Variants in KIF16B observed in about 807,000 individuals in gnomAD.
KIF16B encodes kinesin-like protein KIF16B.
Under a neutral mutation model 156.3 loss-of-function variants are expected in KIF16B, and 98 were observed. The observed-to-expected ratio is 0.63, with a 90% confidence interval of 0.53 to 0.74. The LOEUF (loss-of-function observed/expected upper bound fraction) is 0.74, where lower values mean the gene tolerates loss of function less well. Among genes scored for constraint, KIF16B ranks in the 30% least tolerant of loss-of-function variants. The pLI is 0.00. For synonymous variants in KIF16B, 564 were observed against 583.7 expected, an observed-to-expected ratio of 0.97 and a Z score of 0.49; for missense variants, 1,421 against 1,606.5, an observed-to-expected ratio of 0.88 and a Z score of 1.97.
chr20:16,540,782 A>C (rs1156543521), intron 1 of KIF16B, among the ~76,000 whole-genome samples: 1 of 152,190 alleles, frequency 6.6e-6, no homozygotes, highest in Non-Finnish European at 1.5e-5. Flanking sequence ...ATTAGGTTCC[A>C]AATAAAATAT....
intron 1 of KIF16B, among the ~76,000 whole-genome samples, chr20:16,564,679 G>T (rs906742577): frequency 1.3e-5 from 2 of 150,108 alleles, no homozygotes; most frequent in African/African-American, 4.9e-5. Context: ...AAAAAAAACT[G>T]AAAGAAAAAA....
chr20:16,284,416 C>T (rs1478649356), intron 25 of KIF16B, among the ~76,000 whole-genome samples: 1 of 152,200 alleles, frequency 6.6e-6, no homozygotes, highest in East Asian at 1.9e-4. Flanking sequence ...TTTTCCTGGA[C>T]GTTGCCAGAG....
chr20:16,386,636 G>A (rs555117793), intron 17 of KIF16B, among the ~76,000 whole-genome samples: 10 of 151,780 alleles, frequency 6.6e-5, no homozygotes, highest in African/African-American at 1.9e-4. Context: ...CAACAAGCAG[G>A]AGACAGAGAG....
intron 25 of KIF16B, among the ~76,000 whole-genome samples, chr20:16,280,134 G>T (rs1254780887): frequency 1.3e-5 from 2 of 152,210 alleles, no homozygotes; most frequent in African/African-American, 4.8e-5. Flanking sequence ...GGAAAAATGT[G>T]GGCAAAATCT....
At chr20:16,354,483 C>T (rs1234922661) in intron 23 of KIF16B, among the ~76,000 whole-genome samples, 3 of 123,578 alleles carry the variant, frequency 2.4e-5, no homozygotes, top group African/African-American at 1.4e-4. Context: ...ATTCTACACA[C>T]ACACACACAC....
At chr20:16,458,055 A>G (rs1040827948) in intron 12 of KIF16B, among the ~76,000 whole-genome samples, 1 of 152,186 alleles carries the variant, frequency 6.6e-6, no homozygotes, top group Non-Finnish European at 1.5e-5. Flanking sequence ...GAAATCCATT[A>G]AAGATTCTGC....
intron 22 of KIF16B, among the ~76,000 whole-genome samples, chr20:16,369,425 C>T (rs937467105): frequency 2.0e-5 from 3 of 151,588 alleles, no homozygotes; most frequent in South Asian, 2.1e-4. Context: ...ATTAAAGAAT[C>T]GATTATCTGA....
At chr20:16,336,166 A>G in intron 23 of KIF16B, 151 bp from the exon 24 acceptor site, 1 of 585,174 alleles carries the variant, frequency 1.7e-6, no homozygotes, top group Non-Finnish European at 3.0e-6. Context: ...CATAAATACA[A>G]CTTAGAAATA....
In KIF16B at chr20:16,506,151, T is replaced by G. The variant is rs747685520; in HGVS notation, c.739A>C (p.Lys247Gln). The change falls in exon 8 of 26, where the codon AAG becomes CAG. Residue 247 changes from lysine to glutamine, a missense_variant. Transcript: ENST00000354981. ...DSEMPCETVS[K>Q]IHLVDLAGSE... ...CCGGCAAGATCAACCAAGTGGATCT[T>G]ACTGACGGTTTCACATGGCATTTCA... 3.1e-6 allele frequency: 5 copies of G among 1,614,182 alleles called. No individual in the cohort carries two copies. The Middle Eastern group carries it at 6.6e-4, about 213-fold the overall frequency.
At chr20:16,475,925 T>C (rs1010214985) in intron 12 of KIF16B, among the ~76,000 whole-genome samples, 1 of 152,266 alleles carries the variant, frequency 6.6e-6, no homozygotes, top group Non-Finnish European at 1.5e-5. Context: ...TTCATCTTTC[T>C]GCAGCAATTC....
chr20:16,385,651 C>A (rs2065213164), intron 17 of KIF16B, among the ~76,000 whole-genome samples: 1 of 152,162 alleles, frequency 6.6e-6, no homozygotes, highest in African/African-American at 2.4e-5. Flanking sequence ...CTGAGTGTTG[C>A]CTCGCATTGC....
At chr20:16,458,722 A>C (rs1005440335) in intron 12 of KIF16B, among the ~76,000 whole-genome samples, 5 of 151,942 alleles carry the variant, frequency 3.3e-5, no homozygotes, top group African/African-American at 1.2e-4. Context: ...AAGGGATGGA[A>C]AGAGGGAATC....
At chr20:16,351,952 G>A (rs1401287987) in intron 23 of KIF16B, among the ~76,000 whole-genome samples, 1 of 152,222 alleles carries the variant, frequency 6.6e-6, no homozygotes, top group Non-Finnish European at 1.5e-5. Flanking sequence ...ACAAATTACT[G>A]TTATACTCAG....
At chr20:16,295,103 C>T (rs1361565408) in intron 25 of KIF16B, among the ~76,000 whole-genome samples, 1 of 152,294 alleles carries the variant, frequency 6.6e-6, no homozygotes, top group Admixed American at 6.5e-5. Context: ...GTAAACATGA[C>T]TAATACACCA....
chr20:16,384,345 G>A (rs2065177219), intron 17 of KIF16B, among the ~76,000 whole-genome samples: 1 of 152,102 alleles, frequency 6.6e-6, no homozygotes, highest in African/African-American at 2.4e-5. Flanking sequence ...CCCAGAATTT[G>A]GTAGTACCTA....
intron 14 of KIF16B, 73 bp from the exon 15 acceptor site, chr20:16,427,314 T>C (rs2066382611): frequency 1.5e-6 from 2 of 1,342,092 alleles, no homozygotes; most frequent in East Asian, 2.4e-5. Context: ...TATTTATCTA[T>C]AAATTTATTT....
intron 15 of KIF16B, among the ~76,000 whole-genome samples, chr20:16,417,570 C>A (rs1355601622): frequency 6.6e-6 from 1 of 152,118 alleles, no homozygotes; most frequent in Non-Finnish European, 1.5e-5. Context: ...AAAATCCCAA[C>A]ATGCATTGCA....
rs536001335 is a variant in KIF16B at position 16,524,406 on chromosome 20, C to G, written c.231+1686G>C. On this transcript the variant is annotated intron_variant, in intron 3 of 25. Coordinates refer to ENST00000354981, the MANE Select transcript of KIF16B (RefSeq NM_024704.5). ...TCTCAAAAGAAGACATTTATGCAGCCAACAAACATACGAAAAAAAAGCTCA... is the reference window on the plus strand; with the variant it reads ...TCTCAAAAGAAGACATTTATGCAGCGAACAAACATACGAAAAAAAAGCTCA... 5.3e-5 allele frequency among the ~76,000 whole-genome samples: 8 copies of G among 152,110 alleles called. No homozygotes were observed. The South Asian group carries it at 1.7e-3, about 32-fold the overall frequency.
chr20:16,442,407 T>C (rs2066827330), intron 12 of KIF16B, among the ~76,000 whole-genome samples: 1 of 140,476 alleles, frequency 7.1e-6, no homozygotes, highest in Admixed American at 7.1e-5. Flanking sequence ...AGTGTATATA[T>C]ATACATACAT....
Sources: gnomAD v4.1 joint callset for allele counts (sites outside exome capture counted in the v4.1 genomes callset) on GRCh38, gnomAD v4.1.1 for gene constraint, MANE v1.5 for transcripts, NCBI Gene and HGNC (gene_info 2026-07-23, HGNC 2026-07-21) for gene names.